FBXL7: variants seen among roughly 807,000 people sequenced by gnomAD.
FBXL7 encodes F-box/LRR-repeat protein 7.
Under a neutral mutation model 38.3 loss-of-function variants are expected in FBXL7, and 12 were observed. The observed-to-expected ratio is 0.31, with a 90% CI of 0.20 to 0.51. The LOEUF (loss-of-function observed/expected upper bound fraction) is 0.51. Ranked by LOEUF, FBXL7 falls within the 20% of genes least tolerant of loss-of-function variation. The pLI, the probability that FBXL7 is intolerant of heterozygous loss-of-function variation, is 0.98. For synonymous variants in FBXL7, 297 were observed against 300.9 expected (o/e 0.99, Z 0.13); for missense variants, 567 against 676.4 (o/e 0.84, Z 1.79).
intron 2 of FBXL7, among the ~76,000 whole-genome samples, chr5:15,876,042 C>T (rs1740188770): frequency 6.6e-6 from 1 of 152,122 alleles, no homozygotes; most frequent in African/African-American, 2.4e-5. Flanking sequence ...GAAAATGTGG[C>T]AAATATACAC....
intron 2 of FBXL7, among the ~76,000 whole-genome samples, chr5:15,624,930 C>T (rs1007716319): frequency 6.7e-6 from 1 of 149,406 alleles, no homozygotes; most frequent in Admixed American, 6.7e-5. Context: ...CTTGATCTCT[C>T]TCTCTCTTGC....
intron 2 of FBXL7, among the ~76,000 whole-genome samples, chr5:15,714,373 A>G (rs566405172): frequency 6.6e-6 from 1 of 152,302 alleles, no homozygotes; most frequent in South Asian, 2.1e-4. Context: ...AGGCCTCCAC[A>G]GGCATGCTTC....
chr5:15,832,695 A>G (rs939875176), intron 2 of FBXL7, among the ~76,000 whole-genome samples: 2 of 152,226 alleles, frequency 1.3e-5, no homozygotes, highest in African/African-American at 4.8e-5. Flanking sequence ...AACCAAGGCA[A>G]TAAGAGATCT....
chr5:15,887,769 G>A (rs1026807709), intron 2 of FBXL7, among the ~76,000 whole-genome samples: 1 of 152,144 alleles, frequency 6.6e-6, no homozygotes, highest in African/African-American at 2.4e-5. Context: ...GTATCTTTTG[G>A]TACACTCAAG....
At chr5:15,624,988 G>T (rs1394235632) in intron 2 of FBXL7, among the ~76,000 whole-genome samples, 4 of 150,612 alleles carry the variant, frequency 2.7e-5, no homozygotes, top group Non-Finnish European at 5.9e-5. Flanking sequence ...CTCCCCTCCT[G>T]CTTTTTCCCA....
At position 15,924,538 on chromosome 5, in the gene FBXL7, T is replaced by A. The variant is rs73752385; in HGVS notation, c.128-3352T>A. On this transcript the variant is annotated intron_variant, in intron 2 of 3. Coordinates refer to ENST00000504595, the MANE Select transcript of FBXL7 (RefSeq NM_012304.5). ...CTAGCTCATGCATCTGTGGTTCATC[T>A]GGGTATTGGCTGAACCAAGCTGGCC... Among the ~76,000 whole-genome samples, 813 of 152,260 alleles carry A rather than the reference T, an allele frequency of 5.3e-3. 11 individuals carry two copies. Among genetic ancestry groups the A allele is most frequent in the African/African-American group, 0.019 (773 of 41,562 alleles).
chr5:15,648,804 C>G (rs554707919), intron 2 of FBXL7, among the ~76,000 whole-genome samples: 1 of 152,162 alleles, frequency 6.6e-6, no homozygotes, highest in South Asian at 2.1e-4. Flanking sequence ...TCCTGAGAAA[C>G]TATGGAGAAG....
intron 2 of FBXL7, among the ~76,000 whole-genome samples, chr5:15,879,141 T>G (rs947182308): frequency 6.6e-6 from 1 of 152,114 alleles, no homozygotes; most frequent in Admixed American, 6.6e-5. Context: ...GAAGTTCATC[T>G]TTTTTTATCC....
intron 1 of FBXL7, among the ~76,000 whole-genome samples, chr5:15,545,430 AAGAC>A (rs1223585511): frequency 2.6e-5 from 4 of 152,252 alleles, no homozygotes; most frequent in Non-Finnish European, 5.9e-5. Context: ...CAACATGAAC[AAGAC>A]AGACAATCCC....
At position 15,807,411 on chromosome 5, in the gene FBXL7, A is replaced by G. The variant is rs192096489; in HGVS notation, c.128-120479A>G. Among the ~76,000 whole-genome samples the G allele has an allele frequency of 4.5e-3, 690 of 152,234 alleles. 7 individuals are homozygous for G. The highest frequency in any genetic ancestry group is 0.016 in the African/African-American group (655 of 41,540). ...TGCCGTGTGCACTGGGAAGGAGATG[A>G]CCATGGGGAAGGAAGAACTGTGTTC... is the stretch of plus-strand genomic sequence containing the variant. On this transcript the variant is annotated intron_variant, in intron 2 of 3. Coordinates refer to ENST00000504595, the MANE Select transcript of FBXL7 (RefSeq NM_012304.5).
intron 1 of FBXL7, among the ~76,000 whole-genome samples, chr5:15,506,160 G>A (rs1010891059): frequency 6.0e-5 from 9 of 150,836 alleles, no homozygotes; most frequent in Non-Finnish European, 1.3e-4. Context: ...AAAGGAAGCC[G>A]TTTATGACTT....
At chr5:15,577,803 C>T (rs953754876) in intron 1 of FBXL7, among the ~76,000 whole-genome samples, 2 of 152,128 alleles carry the variant, frequency 1.3e-5, no homozygotes, top group African/African-American at 2.4e-5. Flanking sequence ...CTCTGCCTTC[C>T]TGCTTTAATC....
intron 2 of FBXL7, among the ~76,000 whole-genome samples, chr5:15,872,653 A>T (rs1472556575): frequency 6.6e-6 from 1 of 152,216 alleles, no homozygotes; most frequent in East Asian, 1.9e-4. Context: ...GATAAAACAG[A>T]CTTTAAACCA....
At chr5:15,883,962 C>G (rs1422401286) in intron 2 of FBXL7, among the ~76,000 whole-genome samples, 2 of 152,088 alleles carry the variant, frequency 1.3e-5, no homozygotes, top group African/African-American at 4.8e-5. Context: ...TATTTTGTTG[C>G]TGAAGTGATC....
At chr5:15,818,534 A>G (rs1464654537) in intron 2 of FBXL7, among the ~76,000 whole-genome samples, 1 of 152,188 alleles carries the variant, frequency 6.6e-6, no homozygotes, top group Non-Finnish European at 1.5e-5. Context: ...TGATATAGAA[A>G]AAATAATCAA....
In FBXL7 at chr5:15,928,026, G is replaced by A. The variant is rs760117804; in HGVS notation, c.264G>A (p.Val88=). The A allele has an allele frequency of 6.2e-7, 1 of 1,601,356 alleles. No individual in the cohort carries two copies. Among genetic ancestry groups the A allele is most frequent in the Non-Finnish European group, 8.5e-7 (1 of 1,172,788 alleles). The change falls in exon 3 of 4, where the codon GTG becomes GTA. Residue 88 remains valine, a synonymous_variant. Transcript: ENST00000504595. The surrounding 1 kb of genome is among the most constrained non-coding windows in gnomAD (Gnocchi z 4.0). ...SSITGETVAM[V]HSPPPTRLTH... is the part of the protein sequence containing the mutation. ...TCACCGGGGAGACGGTGGCCATGGT[G>A]CACTCCCCGCCCCCGACCCGCCTCA...
At chr5:15,718,575 C>T (rs1425548011) in intron 2 of FBXL7, among the ~76,000 whole-genome samples, 1 of 152,192 alleles carries the variant, frequency 6.6e-6, no homozygotes, top group Non-Finnish European at 1.5e-5. Context: ...ACTAGGCATG[C>T]AGGCATCGTG....
chr5:15,868,899 A>G (rs1477192755), intron 2 of FBXL7, among the ~76,000 whole-genome samples: 1 of 152,146 alleles, frequency 6.6e-6, no homozygotes, highest in East Asian at 1.9e-4. Flanking sequence ...GTAATTGTAT[A>G]TAAGAGTTAA....
At position 15,937,160 on chromosome 5, in the gene FBXL7, G is replaced by A. The variant is rs777207361; in HGVS notation, c.1450G>A (p.Glu484Lys). ...ACGCCACTGCAAGCGCTGCGTCATC[G>A]AGCACACCAACCCGGCTTTCTTCTG... is the stretch of plus-strand genomic sequence containing the variant. Reference protein sequence around the residue: ...VKRHCKRCVIEHTNPAFF With the variant: ...VKRHCKRCVIKHTNPAFF The change falls in exon 4 of 4, where the codon GAG becomes AAG. Residue 484 changes from glutamate (E) to lysine (K), a missense_variant. Glu to Lys is a moderately conservative substitution (Grantham distance 56). Transcript: ENST00000504595. The A allele has an allele frequency of 1.9e-6, 3 of 1,599,214 alleles. No individual in the cohort carries two copies. Among genetic ancestry groups the A allele is most frequent in the African/African-American group, 1.3e-5 (1 of 74,686 alleles).
Sources: allele counts gnomAD v4.1 joint callset (sites outside exome capture counted in the v4.1 genomes callset), GRCh38; gene constraint gnomAD v4.1.1; non-coding constraint Gnocchi (gnomAD v3.1); transcripts MANE v1.5; gene names NCBI Gene and HGNC (gene_info 2026-07-23, HGNC 2026-07-21).